The following ERG variants were observed in gnomAD, a reference collection of about 807,000 sequenced individuals.
ERG encodes the protein ETS transcription factor ERG.
Under a neutral mutation model 55.3 loss-of-function variants are expected in ERG, and 9 were observed. The ratio of observed to expected loss-of-function variants is 0.16; its 90% confidence interval spans 0.10 to 0.28. The LOEUF (loss-of-function observed/expected upper bound fraction) is 0.28. Among genes scored for constraint, ERG ranks in the 10% least tolerant of loss-of-function variants. ERG has a pLI of 1.00. For synonymous variants in ERG, 223 were observed against 237.3 expected (o/e 0.94, Z 0.55); for missense variants, 434 against 631.6 (o/e 0.69, Z 3.35).
intron 2 of ERG, among the ~76,000 whole-genome samples, chr21:38,518,887 C>T (rs1025163095): frequency 2.0e-5 from 3 of 152,166 alleles, no homozygotes; most frequent in Non-Finnish European, 2.9e-5. Context: ...ATCTTTAACA[C>T]ATCTAATCTA....
At chr21:38,516,657 A>C (rs2059554060) in intron 2 of ERG, among the ~76,000 whole-genome samples, 1 of 152,078 alleles carries the variant, frequency 6.6e-6, no homozygotes, top group Non-Finnish European at 1.5e-5. Flanking sequence ...TGAATAGCTA[A>C]AGGAACCCTG....
intron 1 of ERG, among the ~76,000 whole-genome samples, chr21:38,469,304 G>A (rs1026723969): frequency 3.9e-5 from 6 of 152,080 alleles, no homozygotes; most frequent in East Asian, 1.9e-4. Context: ...ATCTCTCCCC[G>A]TGATAAAATT....
intron 2 of ERG, among the ~76,000 whole-genome samples, chr21:38,537,645 GAC>G (rs2059721166): frequency 6.6e-6 from 1 of 152,114 alleles, no homozygotes; most frequent in African/African-American, 2.4e-5. Context: ...CCATTAGTAT[GAC>G]TATTACCAAA....
upstream of ERG, among the ~76,000 whole-genome samples, chr21:38,500,012 T>C (rs1005605357): frequency 8.6e-5 from 13 of 151,646 alleles, no homozygotes; most frequent in Admixed American, 8.6e-4. Context: ...GAACAATGAA[T>C]AAGATGGCAG....
chr21:38,585,152 T>C (rs976749106), upstream of ERG, among the ~76,000 whole-genome samples: 2 of 152,268 alleles, frequency 1.3e-5, no homozygotes, highest in African/African-American at 4.8e-5. Context: ...GAAGCAAAAA[T>C]CGGGAGTGAA....
intron 1 of ERG, among the ~76,000 whole-genome samples, chr21:38,657,988 T>C (rs746234964): frequency 8.5e-5 from 13 of 152,212 alleles, no homozygotes; most frequent in Non-Finnish European, 4.4e-5. Context: ...TGAACGTCCC[T>C]GTTACATCAG....
chr21:38,402,505 GTACGTAAGACCC>G, intron 5 of ERG, 40 bp downstream of exon 5: 1 of 1,382,810 alleles, frequency 7.2e-7, no homozygotes, highest in South Asian at 1.2e-5. Context: ...CATGCAACCT[GTACGTAAGACCC>G]TACGCTCTTG....
intron 2 of ERG, among the ~76,000 whole-genome samples, chr21:38,430,118 G>A (rs544498740): frequency 6.6e-6 from 1 of 152,076 alleles, no homozygotes; most frequent in African/African-American, 2.4e-5. Flanking sequence ...ATTCTTGCAG[G>A]AGTAAAATGG....
At chr21:38,379,968 GGT>G (rs931567768), downstream of ERG, 69 of 991,554 alleles carry the variant, frequency 7.0e-5, no homozygotes, top group African/African-American at 1.1e-3. Flanking sequence ...TGGGATTACA[GGT>G]GTGAGTCAAC....
At chr21:38,486,617 C>T (rs1234073112) in intron 1 of ERG, among the ~76,000 whole-genome samples, 1 of 152,076 alleles carries the variant, frequency 6.6e-6, no homozygotes, top group African/African-American at 2.4e-5. Flanking sequence ...TAATTGATTA[C>T]TTCAAAAAAA....
chr21:38,435,570 G>C (rs2146533624), intron 2 of ERG, among the ~76,000 whole-genome samples: 1 of 152,196 alleles, frequency 6.6e-6, no homozygotes, highest in African/African-American at 2.4e-5. Flanking sequence ...CAACAGTCCT[G>C]TTCCCTCCCC....
chr21:38,467,052 A>G (rs1390285269), intron 1 of ERG, among the ~76,000 whole-genome samples: 2 of 152,148 alleles, frequency 1.3e-5, no homozygotes, highest in Non-Finnish European at 2.9e-5. Flanking sequence ...CAAATTCAAG[A>G]CATGTTTGGA....
At chr21:38,367,948 G>A in the ERG span, among the ~76,000 whole-genome samples, 1 of 152,306 alleles carries the variant, frequency 6.6e-6, no homozygotes, top group Admixed American at 6.5e-5. Flanking sequence ...CCTGGTGGAA[G>A]CAAAACTGGG....
intron 4 of ERG, among the ~76,000 whole-genome samples, chr21:38,403,001 C>G (rs1053984844): frequency 3.3e-5 from 5 of 152,214 alleles, no homozygotes; most frequent in African/African-American, 1.2e-4. Context: ...TTCATGCCAA[C>G]ATGCCATCCC....
chr21:38,481,271 C>A (rs1316392156), intron 1 of ERG, among the ~76,000 whole-genome samples: 2 of 152,170 alleles, frequency 1.3e-5, no homozygotes, highest in African/African-American at 4.8e-5. Flanking sequence ...ATGCTTTACT[C>A]AGGGAAAGAT....
chr21:38,625,836 C>T (rs943064800), intron 1 of ERG, among the ~76,000 whole-genome samples: 1 of 151,010 alleles, frequency 6.6e-6, no homozygotes, highest in South Asian at 2.1e-4. Flanking sequence ...CGATATGGTG[C>T]GTATTTAGAA....
intron 6 of ERG, among the ~76,000 whole-genome samples, chr21:38,397,002 A>T (rs928351510): frequency 2.0e-5 from 3 of 152,150 alleles, no homozygotes; most frequent in African/African-American, 7.2e-5. Flanking sequence ...AGTAGAGAAG[A>T]CTGTCTCAAT....
chr21:38,526,177 T>C (rs2059629192), intron 2 of ERG, among the ~76,000 whole-genome samples: 1 of 152,136 alleles, frequency 6.6e-6, no homozygotes, highest in African/African-American at 2.4e-5. Context: ...CGGGTATGGC[T>C]GAAGGACAGG....
chr21:38,452,381 A>T (rs1374258223), intron 1 of ERG, among the ~76,000 whole-genome samples: 1 of 152,244 alleles, frequency 6.6e-6, no homozygotes, highest in Non-Finnish European at 1.5e-5. Context: ...ATATACACAA[A>T]TACATATATA....
Sources: gnomAD v4.1 joint callset for allele counts (sites outside exome capture counted in the v4.1 genomes callset) on GRCh38, gnomAD v4.1.1 for gene constraint, MANE v1.5 for transcripts, NCBI Gene and HGNC (gene_info 2026-07-23, HGNC 2026-07-21) for gene names.